The following PCDH9 variants were observed in gnomAD, a reference collection of about 807,000 sequenced individuals.
The protein encoded by PCDH9 is protocadherin 9.
In PCDH9, 24 loss-of-function variants were observed where a neutral mutation model predicts 70.6. That is an observed-to-expected ratio of 0.34 (90% CI 0.25 to 0.48). The LOEUF (loss-of-function observed/expected upper bound fraction) is 0.48. PCDH9 is among the 20% of genes least tolerant of loss of function. The pLI, the probability that PCDH9 is intolerant of heterozygous loss-of-function variation, is 0.99. For missense variants in PCDH9, 1,281 were observed against 1,503.6 expected (o/e 0.85, Z 2.45); for synonymous variants, 562 against 558.5 (o/e 1.01, Z -0.09).
intron 2 of PCDH9, among the ~76,000 whole-genome samples, chr13:67,189,960 G>A (rs114065916): frequency 1.3e-5 from 2 of 151,940 alleles, no homozygotes; most frequent in African/African-American, 4.8e-5. Context: ...TCTTGATAGA[G>A]TTATTAAAAA....
intron 2 of PCDH9, among the ~76,000 whole-genome samples, chr13:67,037,172 G>A (rs1224837547): frequency 6.6e-6 from 1 of 152,146 alleles, no homozygotes; most frequent in Non-Finnish European, 1.5e-5. Context: ...GGGGCTGAGG[G>A]TGTATAAATC....
At chr13:67,092,772 C>T (rs985912990) in intron 2 of PCDH9, among the ~76,000 whole-genome samples, 1 of 152,124 alleles carries the variant, frequency 6.6e-6, no homozygotes, top group Non-Finnish European at 1.5e-5. Context: ...ATTTTACTTT[C>T]CAACTCTAAT....
intron 2 of PCDH9, among the ~76,000 whole-genome samples, chr13:66,955,255 A>G (rs1243227682): frequency 6.6e-6 from 1 of 152,182 alleles, no homozygotes; most frequent in African/African-American, 2.4e-5. Context: ...ACCCAGCTCT[A>G]TGTTAGGGTT....
intron 4 of PCDH9, among the ~76,000 whole-genome samples, chr13:66,335,683 T>C (rs568696398): frequency 8.5e-5 from 13 of 152,146 alleles, no homozygotes; most frequent in Non-Finnish European, 1.6e-4. Context: ...TCAAAACTTA[T>C]AGCCACAGTG....
chr13:66,608,023 GA>G (rs1025986658), intron 4 of PCDH9, among the ~76,000 whole-genome samples: 1 of 151,914 alleles, frequency 6.6e-6, no homozygotes, highest in African/African-American at 2.4e-5. Context: ...TAAATAAATG[GA>G]AAAATATATT....
At chr13:66,791,901 A>T (rs1250411399) in intron 3 of PCDH9, among the ~76,000 whole-genome samples, 24 of 152,174 alleles carry the variant, frequency 1.6e-4, no homozygotes, top group Admixed American at 1.6e-3. Flanking sequence ...AATACATTGC[A>T]TTATGCACAC....
chr13:66,518,936 A>C (rs2138603872), intron 4 of PCDH9, among the ~76,000 whole-genome samples: 1 of 152,328 alleles, frequency 6.6e-6, no homozygotes, highest in South Asian at 2.1e-4. Context: ...AGTACAAGAT[A>C]TCCAAACTAA....
chr13:66,477,142 C>A (rs181268260), intron 4 of PCDH9, among the ~76,000 whole-genome samples: 8 of 151,962 alleles, frequency 5.3e-5, no homozygotes, highest in African/African-American at 1.4e-4. Context: ...GTCTGTCTAA[C>A]GAGACAATAT....
chr13:66,601,624 A>G, intron 4 of PCDH9, among the ~76,000 whole-genome samples: 1 of 146,434 alleles, frequency 6.8e-6, no homozygotes, highest in East Asian at 1.9e-4. Context: ...CAAATATCTT[A>G]ACATATGTAG....
chr13:66,401,597 A>G (rs568830956), intron 4 of PCDH9, among the ~76,000 whole-genome samples: 1 of 152,240 alleles, frequency 6.6e-6, no homozygotes, highest in South Asian at 2.1e-4. Context: ...TAACAAATAT[A>G]ATTTATAAAA....
chr13:66,738,488 T>C (rs1005765859), intron 3 of PCDH9, among the ~76,000 whole-genome samples: 2 of 146,168 alleles, frequency 1.4e-5, no homozygotes, highest in African/African-American at 5.0e-5. Flanking sequence ...CAAAGCTGGA[T>C]GGAGAATGAC....
intron 3 of PCDH9, among the ~76,000 whole-genome samples, chr13:66,788,648 A>ATTTTTT (rs58386697): frequency 5.7e-4 from 47 of 81,856 alleles, no homozygotes; most frequent in African/African-American, 2.0e-3. Flanking sequence ...CTAAACAGTA[A>ATTTTTT]TTTTTTTTTT....
At position 66,929,102 on chromosome 13, in the gene PCDH9, C is replaced by T. The variant is rs935025640; in HGVS notation, c.3037-25497G>A. Among the ~76,000 whole-genome samples the T allele has an allele frequency of 5.3e-5, 8 of 151,916 alleles. No homozygotes were observed. The East Asian group carries it at 1.2e-3, about 22-fold the overall frequency. On this transcript the variant is annotated intron_variant, in intron 2 of 4. Transcript: ENST00000377865. The stretch of plus-strand genomic sequence containing the variant: ...TAATAACTTTTTAGCAAAATATGAA[C>T]ATGTTTTCATTTTTCCTCTTTAAAA...
chr13:66,997,956 AC>A, intron 2 of PCDH9, among the ~76,000 whole-genome samples: 1 of 152,192 alleles, frequency 6.6e-6, no homozygotes, highest in Middle Eastern at 3.4e-3. Flanking sequence ...AGAGGATGAA[AC>A]CTGTCAGTTT....
chr13:66,716,122 A>G (rs2078863319), intron 3 of PCDH9, among the ~76,000 whole-genome samples: 1 of 152,228 alleles, frequency 6.6e-6, no homozygotes, highest in Non-Finnish European at 1.5e-5. Flanking sequence ...AGAATAGGTT[A>G]TATCCCTGAT....
intron 3 of PCDH9, among the ~76,000 whole-genome samples, chr13:66,712,810 A>G (rs973222195): frequency 1.3e-5 from 2 of 152,184 alleles, no homozygotes; most frequent in African/African-American, 4.8e-5. Flanking sequence ...TCCTGCACAA[A>G]CTAGAAAAGC....
chr13:66,514,530 A>G (rs1959641009), intron 4 of PCDH9, among the ~76,000 whole-genome samples: 2 of 151,300 alleles, frequency 1.3e-5, no homozygotes, highest in Admixed American at 1.3e-4. Flanking sequence ...TAGGTTGCTG[A>G]GTGTAAGTAG....
At position 66,788,007 on chromosome 13, in the gene PCDH9, AC is replaced by A. The variant is rs889660803; in HGVS notation, c.3138+115496del. ...AGAGGGAACAGTGTAGGCACAGGAG[AC>A]CTAGAGTTCGTGCAAATTTCTGTTG... On this transcript the variant is annotated intron_variant, in intron 3 of 4. Transcript: ENST00000377865. 1.2e-4 allele frequency among the ~76,000 whole-genome samples: 19 copies of A among 152,124 alleles called. 1 individual carries two copies. Among genetic ancestry groups the A allele is most frequent in the Admixed American group, 1.2e-3 (19 of 15,256 alleles).
At chr13:66,314,344 G>T (rs1262998245) in intron 4 of PCDH9, among the ~76,000 whole-genome samples, 1 of 152,156 alleles carries the variant, frequency 6.6e-6, no homozygotes, top group Admixed American at 6.6e-5. Context: ...GAATCGGTAG[G>T]TTTGGGGGGT....
Sources: gnomAD v4.1 joint callset for allele counts (sites outside exome capture counted in the v4.1 genomes callset) on GRCh38, gnomAD v4.1.1 for gene constraint, MANE v1.5 for transcripts, NCBI Gene and HGNC (gene_info 2026-07-23, HGNC 2026-07-21) for gene names.